The following NUAK1 variants were observed in gnomAD, a reference collection of about 807,000 sequenced individuals.
NUAK1 encodes the protein NUAK family SNF1-like kinase 1.
In NUAK1, 26 loss-of-function variants were observed where a neutral mutation model predicts 56.9. That is an observed-to-expected ratio of 0.46 (90% CI 0.33 to 0.63). NUAK1 has a LOEUF of 0.63. NUAK1 is among the 30% of genes least tolerant of loss of function. NUAK1 has a pLI of 0.02. For synonymous variants in NUAK1, 337 were observed against 336.0 expected (o/e 1.00, Z -0.03); for missense variants, 727 against 876.1 (o/e 0.83, Z 2.15).
chr12:106,070,416 A>G (rs750702950), intron 6 of NUAK1, among the ~76,000 whole-genome samples: 3 of 152,218 alleles, frequency 2.0e-5, no homozygotes, highest in Non-Finnish European at 4.4e-5. Context: ...CAGTATTTAC[A>G]TTCTCAGGTG....
intron 1 of NUAK1, among the ~76,000 whole-genome samples, chr12:106,123,293 C>G (rs1203566265): frequency 1.3e-5 from 2 of 152,194 alleles, no homozygotes; most frequent in African/African-American, 4.8e-5. Context: ...AACCTAGTGT[C>G]TAGAGCAGCA....
intron 1 of NUAK1, among the ~76,000 whole-genome samples, chr12:106,118,933 A>G (rs1265746865): frequency 2.6e-5 from 4 of 152,236 alleles, no homozygotes; most frequent in Admixed American, 6.5e-5. Flanking sequence ...TGCTCCTTGC[A>G]TCTTTAAGCA....
At chr12:106,106,883 G>T (rs142565729) in intron 1 of NUAK1, among the ~76,000 whole-genome samples, 78 of 152,234 alleles carry the variant, frequency 5.1e-4, no homozygotes, top group African/African-American at 1.6e-3. Context: ...TCAGTTTACA[G>T]GGTACTGATG....
rs540753037 is a variant in NUAK1, at chr12:106,067,048, G to T, written c.1740C>A (p.Ser580Arg). Residue 580 changes from serine (S) to arginine (R), a missense_variant, in exon 7 of 7, where the codon AGC becomes AGA. Coordinates refer to ENST00000261402, the MANE Select transcript of NUAK1 (RefSeq NM_014840.3). This position sits in a 1 kb window ranked among gnomAD's most constrained non-coding sequence, Gnocchi z 6.0. ...SVISDDSVLS[S>R]DSFDLLDLQE... ...GCAAATCCAGCAAGTCAAAAGAGTC[G>T]CTGGACAGCACGCTGTCATCGCTGA... 3 of 1,614,226 alleles carry T rather than the reference G, an allele frequency of 1.9e-6. No homozygotes were observed. In the East Asian group the frequency reaches 6.7e-5, roughly 36 times the overall value.
rs1458857778 is a variant in NUAK1 at position 106,072,767 on chromosome 12, G to A, written c.656C>T (p.Ala219Val). ...TCTCCCATTGACAATCTCAGGAGAT[G>A]CATAGAGTGGACTCCCACAAAACGT... ...LQTFCGSPLY[A>V]SPEIVNGRPY... is the part of the protein sequence containing the mutation. The change falls in exon 5 of 7, where the codon GCA becomes GTA. Residue 219 changes from alanine (A) to valine (V), a missense_variant. Physicochemically the swap from Ala to Val is moderately conservative, Grantham distance 64. Coordinates refer to ENST00000261402, the MANE Select transcript of NUAK1 (RefSeq NM_014840.3). The A allele has an allele frequency of 6.2e-7, 1 of 1,613,800 alleles. No homozygotes were observed. Among genetic ancestry groups the A allele is most frequent in the Non-Finnish European group, 8.5e-7 (1 of 1,179,940 alleles).
chr12:106,104,419 A>G (rs1157119809), intron 2 of NUAK1, among the ~76,000 whole-genome samples: 1 of 152,168 alleles, frequency 6.6e-6, no homozygotes, highest in Non-Finnish European at 1.5e-5. Flanking sequence ...TGGGGTCCAT[A>G]TCACATTCAG....
chr12:106,079,651 A>G (rs1354393876), intron 4 of NUAK1, among the ~76,000 whole-genome samples: 1 of 152,190 alleles, frequency 6.6e-6, no homozygotes, highest in Non-Finnish European at 1.5e-5. Context: ...GCCTTCCCTG[A>G]CCACTCTAGG....
At chr12:106,110,167 T>C (rs2032843977) in intron 1 of NUAK1, among the ~76,000 whole-genome samples, 1 of 152,070 alleles carries the variant, frequency 6.6e-6, no homozygotes, top group South Asian at 2.1e-4. Flanking sequence ...CCAGGAGCAT[T>C]TCTCCACCCG....
chr12:106,138,042 T>C lies in NUAK1; in HGVS notation c.240+372A>G, dbSNP rs1200724875. On this transcript the variant is annotated intron_variant, in intron 1 of 6. Transcript: ENST00000261402. This position sits in a 1 kb window ranked among gnomAD's most constrained non-coding sequence, Gnocchi z 5.0. ...GCTGGGAATGTGGTTCTTTGGAGAG[T>C]TGTGGAAATAAGACGTTTCGGGGCA... 2.6e-5 allele frequency among the ~76,000 whole-genome samples: 4 copies of C among 151,936 alleles called. No homozygotes were observed. Among genetic ancestry groups the C allele is most frequent in the Non-Finnish European group, 5.9e-5 (4 of 67,980 alleles).
rs766316370 is a variant in NUAK1, at chr12:106,067,270, G to A, written c.1518C>T (p.Pro506=). Residue 506 remains proline, a synonymous_variant, in exon 7 of 7, where the codon CCC becomes CCT. Coordinates refer to ENST00000261402, the MANE Select transcript of NUAK1 (RefSeq NM_014840.3). This position sits in a 1 kb window ranked among gnomAD's most constrained non-coding sequence, Gnocchi z 6.0. ...VMGSSIPSPS[P]PDPARVTSHS... is the part of the protein sequence containing the mutation. ...GGGAGGTTACCCTGGCTGGGTCCGG[G>A]GGGCTGGGGGAGGGGATGCTGCTGC... 3 of 1,614,180 alleles carry A rather than the reference G, an allele frequency of 1.9e-6. No individual in the cohort carries two copies. Among genetic ancestry groups the A allele is most frequent in the South Asian group, 1.1e-5 (1 of 91,078 alleles).
rs369767838 is a variant in NUAK1 at position 106,138,589 on chromosome 12, G to A, written c.65C>T (p.Ser22Phe). ...CGCCCCCGCCACCGCCTCTCGGGGAGAGCCCGGCGCCCCCAGCCCCAAGTC... is the reference window on the plus strand; with the variant it reads ...CGCCCCCGCCACCGCCTCTCGGGGAAAGCCCGGCGCCCCCAGCCCCAAGTC... ...RPDLGLGAPG[S>F]PREAVAGATA... is the part of the protein sequence containing the mutation. The change falls in exon 1 of 7, where the codon TCT becomes TTT. Residue 22 changes from serine to phenylalanine, a missense_variant. By Grantham distance (155) the Ser-to-Phe change is radical (BLOSUM62 -2). Transcript: ENST00000261402. This position sits in a 1 kb window ranked among gnomAD's most constrained non-coding sequence, Gnocchi z 5.0. 1.7e-5 allele frequency: 27 copies of A among 1,587,678 alleles called. No homozygotes were observed. In the African/African-American group the frequency reaches 3.5e-4, roughly 20 times the overall value.
At chr12:106,091,039 A>ATC (rs1340189636) in intron 2 of NUAK1, among the ~76,000 whole-genome samples, 1 of 152,234 alleles carries the variant, frequency 6.6e-6, no homozygotes, top group Non-Finnish European at 1.5e-5. Context: ...TAAGGTCACT[A>ATC]TCTACAAGGT....
At chr12:106,103,217 A>G (rs1356744559) in intron 2 of NUAK1, 1 of 152,246 alleles carries the variant, frequency 6.6e-6, no homozygotes, top group Non-Finnish European at 1.5e-5. Context: ...GTGGGACGCC[A>G]GCAACCACAG....
At chr12:106,085,443 T>A (rs1450438482) in intron 3 of NUAK1, among the ~76,000 whole-genome samples, 1 of 152,224 alleles carries the variant, frequency 6.6e-6, no homozygotes, top group African/African-American at 2.4e-5. Flanking sequence ...ACATAATATT[T>A]AACAAACCAG....
chr12:106,135,783 G>A (rs2033124040), intron 1 of NUAK1, among the ~76,000 whole-genome samples: 1 of 152,210 alleles, frequency 6.6e-6, no homozygotes, highest in Non-Finnish European at 1.5e-5. Flanking sequence ...AAAGCATGTT[G>A]TGAATGTTTA....
Position 106,067,656 on chromosome 12 carries a change from C to G in NUAK1, c.1132G>C (p.Ala378Pro). The change falls in exon 7 of 7, where the codon GCT becomes CCT. Residue 378 changes from alanine (A) to proline (P), a missense_variant. Transcript: ENST00000261402. The surrounding 1 kb of genome is among the most constrained non-coding windows in gnomAD (Gnocchi z 6.0). ...GGCACTGCATCCTGACCAGACTGAG[C>G]AAAGTCATTCTCTTTCTTGGATTTC... ...LKKSKKENDFAQSGQDAVPES... is the reference protein window; with the variant it reads ...LKKSKKENDFPQSGQDAVPES... 1.2e-6 allele frequency: 2 copies of G among 1,614,250 alleles called. No individual in the cohort carries two copies. The highest frequency in any genetic ancestry group is 1.7e-6 in the Non-Finnish European group (2 of 1,180,044).
At chr12:106,071,273 G>C (rs1333010668) in intron 5 of NUAK1, among the ~76,000 whole-genome samples, 1 of 152,228 alleles carries the variant, frequency 6.6e-6, no homozygotes, top group Non-Finnish European at 1.5e-5. Flanking sequence ...GGTTTCTCCA[G>C]AGGCCCTGCC....
At chr12:106,116,359 A>G (rs372667904) in intron 1 of NUAK1, among the ~76,000 whole-genome samples, 2 of 152,078 alleles carry the variant, frequency 1.3e-5, no homozygotes, top group African/African-American at 4.8e-5. Context: ...TCATCTTCCA[A>G]ATGGAGACAA....
chr12:106,112,473 G>C (rs919952052), intron 1 of NUAK1, among the ~76,000 whole-genome samples: 2 of 152,126 alleles, frequency 1.3e-5, no homozygotes, highest in Admixed American at 1.3e-4. Flanking sequence ...TCACCATGTG[G>C]CTTTCACTCA....
Sources: allele counts gnomAD v4.1 joint callset (sites outside exome capture counted in the v4.1 genomes callset), GRCh38; gene constraint gnomAD v4.1.1; non-coding constraint Gnocchi (gnomAD v3.1); transcripts MANE v1.5; gene names NCBI Gene and HGNC (gene_info 2026-07-23, HGNC 2026-07-21).